SPACA7: variants seen among roughly 807,000 people sequenced by gnomAD.
SPACA7 encodes the protein sperm acrosome associated 7.
Under a neutral mutation model 26.3 loss-of-function variants are expected in SPACA7, and 19 were observed. That is an observed-to-expected ratio of 0.72 (90% confidence interval 0.50 to 1.06). The LOEUF is 1.06. SPACA7 is among the 50% of genes least tolerant of loss of function. The pLI is 0.00. For missense variants in SPACA7, 211 were observed against 229.9 expected (o/e 0.92, Z 0.53); for synonymous variants, 84 against 84.5 (o/e 0.99, Z 0.04).
chr13:112,423,346 T>C (rs1038704817), intron 5 of SPACA7, among the ~76,000 whole-genome samples: 2 of 152,146 alleles, frequency 1.3e-5, no homozygotes, highest in African/African-American at 2.4e-5. Flanking sequence ...AAAATAAACA[T>C]GCTTAAAATT....
At chr13:112,392,412 G>C (rs1197151747) in intron 1 of SPACA7, among the ~76,000 whole-genome samples, 2 of 152,126 alleles carry the variant, frequency 1.3e-5, no homozygotes, top group Non-Finnish European at 2.9e-5. Context: ...ATCTGCAGAT[G>C]GGACCACCCT....
intron 1 of SPACA7, among the ~76,000 whole-genome samples, chr13:112,381,715 G>A (rs1884079685): frequency 1.3e-5 from 2 of 152,186 alleles, no homozygotes; most frequent in South Asian, 4.1e-4. Context: ...TTTGTGGGTG[G>A]AGGGAAGCCA....
At chr13:112,399,480 T>C (rs1885499747) in intron 4 of SPACA7, among the ~76,000 whole-genome samples, 1 of 152,142 alleles carries the variant, frequency 6.6e-6, no homozygotes, top group African/African-American at 2.4e-5. Context: ...CCTGGCCCCC[T>C]CTCCCAAAGC....
At chr13:112,402,482 T>C (rs773903094) in intron 5 of SPACA7, among the ~76,000 whole-genome samples, 4 of 152,250 alleles carry the variant, frequency 2.6e-5, no homozygotes, top group Non-Finnish European at 5.9e-5. Context: ...TAAATAGAAA[T>C]GGTTTTCTTC....
intron 5 of SPACA7, among the ~76,000 whole-genome samples, chr13:112,429,534 G>T (rs1254307914): frequency 1.3e-5 from 2 of 152,052 alleles, no homozygotes; most frequent in African/African-American, 4.8e-5. Context: ...ACCCATTTGT[G>T]TCTTTAGGGG....
intron 1 of SPACA7, chr13:112,378,563 C>T (rs985734585): frequency 1.3e-5 from 5 of 387,360 alleles, no homozygotes; most frequent in Non-Finnish European, 2.7e-5. Flanking sequence ...CTTTTTGAGG[C>T]TAGGAAGCCC....
chr13:112,415,083 T>C (rs551581394), intron 5 of SPACA7, among the ~76,000 whole-genome samples: 2 of 152,224 alleles, frequency 1.3e-5, no homozygotes, highest in South Asian at 4.1e-4. Flanking sequence ...ACCTCCTAGA[T>C]ACCCAGCTCT....
intron 5 of SPACA7, among the ~76,000 whole-genome samples, chr13:112,424,018 G>C (rs1876269540): frequency 6.6e-6 from 1 of 152,224 alleles, no homozygotes; most frequent in Admixed American, 6.5e-5. Context: ...TTCACATTGA[G>C]AGAACTTCGT....
chr13:112,413,460 A>C, intron 5 of SPACA7, among the ~76,000 whole-genome samples: 1 of 152,034 alleles, frequency 6.6e-6, no homozygotes, highest in Non-Finnish European at 1.5e-5. Flanking sequence ...CAGATGTATC[A>C]GAGCTTCTTT....
In SPACA7 at chr13:112,414,388, C is replaced by CTTTTTTTTTTTTTT. The variant is rs869183760; in HGVS notation, c.445+13251_445+13264dup. ...AAGTTTCTGAATGGCTTTTCTGTGT[C>CTTTTTTTTTTTTTT]TTTTTTTTTTTTTTTTTTTTTTTTT... On this transcript the variant is annotated intron_variant, in intron 5 of 6. Coordinates refer to ENST00000283550, the MANE Select transcript of SPACA7 (RefSeq NM_145248.5). 4.1e-4 allele frequency among the ~76,000 whole-genome samples: 13 copies of CTTTTTTTTTTTTTT among 31,396 alleles called. 4 individuals are homozygous for CTTTTTTTTTTTTTT. The highest frequency in any genetic ancestry group is 4.9e-4 in the African/African-American group (4 of 8,142). 20.6% of individuals were successfully genotyped at this position (31,396 alleles called of 152,430 possible).
chr13:112,397,811 T>C (rs1250376326), intron 2 of SPACA7, among the ~76,000 whole-genome samples: 1 of 152,220 alleles, frequency 6.6e-6, no homozygotes, highest in Non-Finnish European at 1.5e-5. Flanking sequence ...CAATGTTCAG[T>C]GTCCAAAATG....
intron 5 of SPACA7, among the ~76,000 whole-genome samples, chr13:112,416,884 G>T (rs77155416): frequency 9.6e-4 from 144 of 150,734 alleles, no homozygotes; most frequent in Middle Eastern, 6.9e-3. Context: ...TTATCTTTTG[G>T]TTTGATGAAG....
chr13:112,377,338 A>G (rs1883759920), intron 1 of SPACA7, among the ~76,000 whole-genome samples: 1 of 152,236 alleles, frequency 6.6e-6, no homozygotes, highest in Admixed American at 6.5e-5. Context: ...AAGGTCTGCT[A>G]TCTTTGAAGA....
intron 5 of SPACA7, among the ~76,000 whole-genome samples, chr13:112,403,377 A>G (rs1885767991): frequency 1.3e-5 from 2 of 152,114 alleles, no homozygotes; most frequent in South Asian, 4.1e-4. Context: ...CTTCTTGATC[A>G]AGTAAGCCAG....
intron 5 of SPACA7, among the ~76,000 whole-genome samples, chr13:112,411,131 A>ATT (rs1555328474): frequency 5.9e-5 from 1 of 16,814 alleles, no homozygotes; most frequent in South Asian, 7.5e-3. Context: ...TACATTTGCT[A>ATT]TGTTTTTTTT....
chr13:112,432,815 G>T (rs1434285568), intron 6 of SPACA7, among the ~76,000 whole-genome samples: 1 of 152,210 alleles, frequency 6.6e-6, no homozygotes, highest in Non-Finnish European at 1.5e-5. Context: ...TCACAAGGCT[G>T]CCACCACCCA....
chr13:112,414,305 C>T (rs1035648815), intron 5 of SPACA7, among the ~76,000 whole-genome samples: 2 of 78,504 alleles, frequency 2.5e-5, no homozygotes, highest in African/African-American at 1.4e-4. Flanking sequence ...TTTTCAGCCC[C>T]AGGATTTATT....
intron 5 of SPACA7, among the ~76,000 whole-genome samples, chr13:112,427,860 C>A (rs758103065): frequency 6.6e-6 from 1 of 151,810 alleles, no homozygotes; most frequent in Non-Finnish European, 1.5e-5. Context: ...TTTTTTTATT[C>A]ATTTTCAGTG....
At chr13:112,411,882 G>A (rs1005572438) in intron 5 of SPACA7, among the ~76,000 whole-genome samples, 4 of 152,034 alleles carry the variant, frequency 2.6e-5, no homozygotes, top group African/African-American at 9.7e-5. Context: ...TTGGTCTATT[G>A]TAAATAGAAC....
Sources: allele counts gnomAD v4.1 joint callset (sites outside exome capture counted in the v4.1 genomes callset), GRCh38; gene constraint gnomAD v4.1.1; transcripts MANE v1.5; gene names NCBI Gene and HGNC (gene_info 2026-07-23, HGNC 2026-07-21).